The following PLEKHG1 variants were observed in gnomAD, a reference collection of about 807,000 sequenced individuals.
PLEKHG1 encodes pleckstrin homology domain-containing family G member 1.
A neutral mutation model predicts 100.8 loss-of-function variants in PLEKHG1; 44 were observed. That is an observed-to-expected ratio of 0.44 (90% CI 0.34 to 0.56). The LOEUF is 0.56. Ranked by LOEUF, PLEKHG1 falls within the 20% of genes least tolerant of loss-of-function variation. The pLI, the probability that PLEKHG1 is intolerant of heterozygous loss-of-function variation, is 0.01. For missense variants in PLEKHG1, 1,545 were observed against 1,720.9 expected, an observed-to-expected ratio of 0.90 and a Z score of 1.81; for synonymous variants, 640 against 662.5, an observed-to-expected ratio of 0.97 and a Z score of 0.52.
intron 1 of PLEKHG1, among the ~76,000 whole-genome samples, chr6:150,606,316 A>G (rs1185937434): frequency 2.0e-5 from 3 of 152,228 alleles, no homozygotes; most frequent in Non-Finnish European, 4.4e-5. Flanking sequence ...CAACAAAGGC[A>G]TTAGCTCCAG....
chr6:150,804,506 CA>C, intron 6 of PLEKHG1, 103 bp from the exon 8 acceptor site: 1 of 977,354 alleles, frequency 1.0e-6, no homozygotes, highest in Non-Finnish European at 1.5e-6. Flanking sequence ...AATAAATAAG[CA>C]AAAATAAAAT....
At chr6:150,684,395 TCTC>T (rs894394966) in intron 3 of PLEKHG1, among the ~76,000 whole-genome samples, 1 of 152,210 alleles carries the variant, frequency 6.6e-6, no homozygotes, top group African/African-American at 2.4e-5. Flanking sequence ...CAAAGGAGGT[TCTC>T]CTACGTGGGA....
chr6:150,800,640 A>T, intron 5 of PLEKHG1, 79 bp from the exon 7 acceptor site: 1 of 1,351,416 alleles, frequency 7.4e-7, no homozygotes, highest in Non-Finnish European at 1.0e-6. Flanking sequence ...TAGGGCATTT[A>T]CACTTGCAAT....
chr6:150,636,549 A>G (rs1265164254), intron 1 of PLEKHG1, among the ~76,000 whole-genome samples: 1 of 152,030 alleles, frequency 6.6e-6, no homozygotes, highest in Non-Finnish European at 1.5e-5. Context: ...ATCCTTCACA[A>G]GAGTACAGAC....
At chr6:150,611,578 G>A (rs181400085) in intron 1 of PLEKHG1, among the ~76,000 whole-genome samples, 5 of 152,298 alleles carry the variant, frequency 3.3e-5, no homozygotes, top group Non-Finnish European at 4.4e-5. Flanking sequence ...TTGGGAGGCC[G>A]AGGCAGGTGG....
chr6:150,668,393 C>T (rs2128583689), intron 3 of PLEKHG1, among the ~76,000 whole-genome samples: 1 of 152,314 alleles, frequency 6.6e-6, no homozygotes, highest in South Asian at 2.1e-4. Flanking sequence ...GGAGAGCCAA[C>T]AGTTCCCTTT....
chr6:150,741,221 G>A (rs1583037178), intron 2 of PLEKHG1, among the ~76,000 whole-genome samples: 1 of 152,168 alleles, frequency 6.6e-6, no homozygotes, highest in East Asian at 1.9e-4. Context: ...AAGGTGGGCA[G>A]CATTCGGTGA....
At chr6:150,806,689 G>A (rs1188858333) in intron 7 of PLEKHG1, among the ~76,000 whole-genome samples, 16 of 150,618 alleles carry the variant, frequency 1.1e-4, no homozygotes, top group Non-Finnish European at 2.1e-4. Context: ...TTAGCCGGGC[G>A]TGGTGGTGCA....
Position 150,683,637 on chromosome 6 carries a change from T to G in PLEKHG1, c.-99+32851T>G, listed in dbSNP as rs1245911543. 1 of 417,094 alleles carries G rather than the reference T, an allele frequency of 2.4e-6. No individual in the cohort carries two copies. The highest frequency in any genetic ancestry group is 4.2e-6 in the Non-Finnish European group (1 of 238,046). The allele number at this position is 417,094 out of a possible 1,614,324, so 25.8% of individuals were successfully genotyped here. A position where few individuals can be genotyped will look rare whatever the true frequency, so the allele number is the denominator to read the frequency against. On this transcript the variant is annotated intron_variant, in intron 3 of 3. Coordinates refer to the PLEKHG1 transcript ENST00000367326. This position sits in a 1 kb window ranked among gnomAD's most constrained non-coding sequence, Gnocchi z 4.0. The stretch of plus-strand genomic sequence containing the variant: ...TGGGGAAAACCTTGGACACTGTGCA[T>G]CCACCTGCTATAACTGGCAAACTAA...
At chr6:150,636,728 T>TCTA (rs1413694873) in intron 1 of PLEKHG1, among the ~76,000 whole-genome samples, 70 of 152,256 alleles carry the variant, frequency 4.6e-4, no homozygotes, top group African/African-American at 1.3e-3. Context: ...AGAAGTTAGA[T>TCTA]ACCTTGTGAA....
chr6:150,621,478 G>A (rs1182456103), intron 1 of PLEKHG1, among the ~76,000 whole-genome samples: 4 of 151,786 alleles, frequency 2.6e-5, no homozygotes, highest in South Asian at 2.1e-4. Flanking sequence ...GGGTTCAGGC[G>A]GTTCTCCTGC....
At chr6:150,742,244 G>A (rs1324829526) in intron 2 of PLEKHG1, among the ~76,000 whole-genome samples, 1 of 152,162 alleles carries the variant, frequency 6.6e-6, no homozygotes, top group East Asian at 1.9e-4. Flanking sequence ...GGCAGAAGGC[G>A]AACAGGGAGT....
At chr6:150,733,606 A>G (rs1463595363) in exon 2 of PLEKHG1, 1 of 1,612,486 alleles carries the variant, frequency 6.2e-7, no homozygotes, top group African/African-American at 1.3e-5. Flanking sequence ...TGCGTCTTGA[A>G]GTGCCATCAG....
chr6:150,824,350 G>T (rs1387100449), intron 14 of PLEKHG1, among the ~76,000 whole-genome samples: 1 of 152,188 alleles, frequency 6.6e-6, no homozygotes, highest in Non-Finnish European at 1.5e-5. Context: ...AATTCTTAGA[G>T]AACTGATCAT....
In PLEKHG1 at chr6:150,795,854, A is replaced by G; in HGVS notation, c.583-2A>G. The G allele has an allele frequency of 6.3e-7, 1 of 1,591,230 alleles. No homozygotes were observed. The highest frequency in any genetic ancestry group is 8.6e-7 in the Non-Finnish European group (1 of 1,160,196). ...ATAAAAATTTCTTTTGTTTCCTTGC[A>G]GAGTGAAGAGTTCCACATTTATACC... On this transcript the variant is annotated splice_acceptor_variant, in intron 4 of 15. Transcript: ENST00000358517. LOFTEE classifies it high-confidence loss of function.
intron 2 of PLEKHG1, among the ~76,000 whole-genome samples, chr6:150,750,878 A>T (rs1279472455): frequency 6.6e-6 from 1 of 152,120 alleles, no homozygotes; most frequent in East Asian, 1.9e-4. Flanking sequence ...ATCTCCAAGA[A>T]CTGAATCCAG....
chr6:150,664,479 G>A (rs929229971), intron 3 of PLEKHG1: 5 of 152,182 alleles, frequency 3.3e-5, no homozygotes, highest in African/African-American at 1.2e-4. Flanking sequence ...TTAAAATGGG[G>A]CCATTGTACT....
chr6:150,816,035 G>A (rs754057580), intron 10 of PLEKHG1, among the ~76,000 whole-genome samples: 12 of 152,078 alleles, frequency 7.9e-5, no homozygotes, highest in East Asian at 1.9e-4. Context: ...TAATGAAATC[G>A]TTCTACAGCT....
intron 1 of PLEKHG1, among the ~76,000 whole-genome samples, chr6:150,607,675 G>C (rs150244880): frequency 6.6e-6 from 1 of 152,166 alleles, no homozygotes; most frequent in African/African-American, 2.4e-5. Flanking sequence ...AGGAGATGCA[G>C]CCTTTAGAGG....
Sources: gnomAD v4.1 joint callset for allele counts (sites outside exome capture counted in the v4.1 genomes callset) on GRCh38, gnomAD v4.1.1 for gene constraint, Gnocchi (gnomAD v3.1) non-coding constraint, MANE v1.5 for transcripts, NCBI Gene and HGNC (gene_info 2026-07-23, HGNC 2026-07-21) for gene names.